The following GON4L variants were observed in gnomAD, a reference collection of about 807,000 sequenced individuals.
GON4L encodes the protein GON-4-like protein.
A neutral mutation model predicts 211.8 loss-of-function variants in GON4L; 87 were observed. The ratio of observed to expected loss-of-function variants is 0.41; its 90% CI spans 0.35 to 0.49. GON4L has a LOEUF of 0.49. Ranked by LOEUF, GON4L falls within the 20% of genes least tolerant of loss-of-function variation. The pLI is 0.15. For missense variants in GON4L, 2,155 were observed against 2,659.5 expected, an observed-to-expected ratio of 0.81 and a Z score of 4.17; for synonymous variants, 875 against 962.6, an observed-to-expected ratio of 0.91 and a Z score of 1.68.
chr1:155,783,384 C>G (rs888950197), intron 14 of GON4L, among the ~76,000 whole-genome samples: 4 of 152,192 alleles, frequency 2.6e-5, no homozygotes, highest in Non-Finnish European at 2.9e-5. Flanking sequence ...TGACATCTAG[C>G]CATCCATCTA....
At chr1:155,819,975 T>C (rs539244603) in intron 6 of GON4L, among the ~76,000 whole-genome samples, 1 of 152,234 alleles carries the variant, frequency 6.6e-6, no homozygotes, top group East Asian at 1.9e-4. Context: ...AGTGCAGTGG[T>C]GCAATCTCCA....
downstream of GON4L, chr1:155,745,787 G>A: frequency 1.4e-6 from 1 of 691,856 alleles, no homozygotes; most frequent in South Asian, 1.8e-5. Flanking sequence ...GGAGCAGCGA[G>A]CGGCGCGGCT....
intron 16 of GON4L, among the ~76,000 whole-genome samples, chr1:155,776,141 G>A (rs1170768755): frequency 6.6e-6 from 1 of 152,122 alleles, no homozygotes; most frequent in Non-Finnish European, 1.5e-5. Context: ...TGGATCTAAA[G>A]ATGAGGAGGA....
In GON4L at chr1:155,766,534, T is replaced by C; in HGVS notation, c.2939A>G (p.Lys980Arg). The C allele has an allele frequency of 1.9e-6, 3 of 1,614,062 alleles. No individual in the cohort carries two copies. The highest frequency in any genetic ancestry group is 2.5e-6 in the Non-Finnish European group (3 of 1,179,990). Residue 980 changes from lysine (K) to arginine (R), a missense_variant, in exon 21 of 32, where the codon AAA becomes AGA. Lys to Arg is a conservative substitution (Grantham distance 26). This residue lies in a region of GON4L where 615 missense variants were observed against 625.7 expected (regional missense o/e 0.98). Coordinates refer to ENST00000368331, the MANE Select transcript of GON4L (RefSeq NM_001282860.2). ...PLLLPKGVVL[K>R]LKPVATRFPR... ...GAAACGGGTGGCAACTGGCTTCAGTTTCAGGACTACACCCTTAGGCAATAG... is the reference window on the plus strand; with the variant it reads ...GAAACGGGTGGCAACTGGCTTCAGTCTCAGGACTACACCCTTAGGCAATAG...
intron 2 of GON4L, among the ~76,000 whole-genome samples, chr1:155,850,715 G>A (rs149718411): frequency 2.0e-5 from 3 of 152,074 alleles, no homozygotes; most frequent in Admixed American, 6.6e-5. Context: ...AAGAACAAGT[G>A]GACTTAAAAT....
intron 2 of GON4L, among the ~76,000 whole-genome samples, chr1:155,834,381 T>A (rs1670102265): frequency 6.6e-6 from 1 of 152,214 alleles, no homozygotes. Context: ...TTGTCTTCAA[T>A]CCACTGCTCT....
intron 2 of GON4L, among the ~76,000 whole-genome samples, chr1:155,848,229 G>A (rs1671439204): frequency 6.6e-6 from 1 of 152,130 alleles, no homozygotes; most frequent in Non-Finnish European, 1.5e-5. Flanking sequence ...ACCCCCCTGG[G>A]CTGAGCCCCA....
chr1:155,784,358 C>CTTTT lies in GON4L; in HGVS notation c.1789-273_1789-270dup, dbSNP rs869034483. 1.0e-3 allele frequency: 106 copies of CTTTT among 104,116 alleles called. 4 individuals carry two copies. The highest frequency in any genetic ancestry group is 3.4e-3 in the Admixed American group (18 of 5,244). The allele number at this position is 104,116 out of a possible 1,614,324, so 6.4% of individuals were successfully genotyped here. On this transcript the variant is annotated intron_variant, in intron 13 of 31. Coordinates refer to ENST00000368331, the MANE Select transcript of GON4L (RefSeq NM_001282860.2). ...ACTCAAAATTATCAATCTCTCTCTCCTTTTTTTTTTTTTTTTTTTTTTTTT... is the reference window on the plus strand; with the variant it reads ...ACTCAAAATTATCAATCTCTCTCTCCTTTTTTTTTTTTTTTTTTTTTTTTTTTTT...
chr1:155,782,946 A>C (rs1392429978), intron 14 of GON4L, among the ~76,000 whole-genome samples: 1 of 152,214 alleles, frequency 6.6e-6, no homozygotes, highest in African/African-American at 2.4e-5. Flanking sequence ...GGCATGAGCC[A>C]CTGCGCCCAG....
chr1:155,850,139 A>G (rs1264717293), intron 2 of GON4L, among the ~76,000 whole-genome samples: 1 of 152,138 alleles, frequency 6.6e-6, no homozygotes, highest in Admixed American at 6.6e-5. Flanking sequence ...AACTATCAAA[A>G]TAAGAATTTC....
rs1011030396 is a variant in GON4L at position 155,777,546 on chromosome 1, T to C, written c.2091+76A>G. 1.2e-5 allele frequency: 14 copies of C among 1,127,970 alleles called. No individual in the cohort carries two copies. In the East Asian group the frequency reaches 1.4e-4, roughly 11 times the overall value. The allele number at this position is 1,127,970 out of a possible 1,614,324, so 69.9% of individuals were successfully genotyped here. ...GTGAGCCGATATCGGGCCACTGCACTCCAGGCTGGGAGACAGAGCCAGACT... is the reference window on the plus strand; with the variant it reads ...GTGAGCCGATATCGGGCCACTGCACCCCAGGCTGGGAGACAGAGCCAGACT... On this transcript the variant is annotated intron_variant, in intron 15 of 31. Coordinates refer to ENST00000368331, the MANE Select transcript of GON4L (RefSeq NM_001282860.2).
At chr1:155,827,219 C>G (rs928099512) in intron 2 of GON4L, among the ~76,000 whole-genome samples, 191 bp from the exon 3 acceptor site, 1 of 152,164 alleles carries the variant, frequency 6.6e-6, no homozygotes, top group African/African-American at 2.4e-5. Context: ...GGGAGTTAAA[C>G]TAGGTAATTG....
intron 6 of GON4L, among the ~76,000 whole-genome samples, chr1:155,817,093 G>A (rs1344347692): frequency 6.6e-6 from 1 of 152,000 alleles, no homozygotes; most frequent in East Asian, 1.9e-4. Flanking sequence ...GAGCTCAAGC[G>A]ATCCTCCTGC....
Position 155,814,537 on chromosome 1 carries a change from A to G in GON4L, c.1162-88T>C, listed in dbSNP as rs934825858. 3.0e-6 allele frequency: 4 copies of G among 1,345,850 alleles called. No individual in the cohort carries two copies. In the African/African-American group the frequency reaches 5.7e-5, roughly 19 times the overall value. The allele number at this position is 1,345,850 out of a possible 1,614,324, so 83.4% of individuals were successfully genotyped here. The stretch of plus-strand genomic sequence containing the variant: ...GTATCTCAAGAGAAGGAATCATAAA[A>G]TATCAATCACTCAGCCTGGCCAACA... On this transcript the variant is annotated intron_variant, in intron 8 of 31. Coordinates refer to ENST00000368331, the MANE Select transcript of GON4L (RefSeq NM_001282860.2).
chr1:155,843,664 T>C (rs1670979925), intron 2 of GON4L, among the ~76,000 whole-genome samples: 1 of 152,016 alleles, frequency 6.6e-6, no homozygotes, highest in Admixed American at 6.6e-5. Context: ...GGGATCCCAC[T>C]GGTAAACAAG....
In GON4L at chr1:155,753,421, G is replaced by T; in HGVS notation, c.5632-7C>A. On this transcript the variant is annotated splice_region_variant and splice_polypyrimidine_tract_variant and intron_variant, in intron 28 of 31. Transcript: ENST00000368331. ...AGGATTTGCTGTCACAGACCTGCAG[G>T]GATGGTCTTCCGGGTCAAAGGTGTT... 1 of 1,608,662 alleles carries T rather than the reference G, an allele frequency of 6.2e-7. No homozygotes were observed. The highest frequency in any genetic ancestry group is 8.5e-7 in the Non-Finnish European group (1 of 1,175,952).
chr1:155,854,345 T>C (rs891928199), intron 1 of GON4L, among the ~76,000 whole-genome samples: 11 of 152,072 alleles, frequency 7.2e-5, no homozygotes, highest in African/African-American at 2.7e-4. Flanking sequence ...TTAGTAGAGA[T>C]GGGGTTTCAC....
intron 11 of GON4L, among the ~76,000 whole-genome samples, chr1:155,796,652 T>G (rs1296971188): frequency 6.6e-6 from 1 of 152,178 alleles, no homozygotes; most frequent in Non-Finnish European, 1.5e-5. Flanking sequence ...CATTAAATTA[T>G]GGAATTATTA....
intron 13 of GON4L, 176 bp downstream of exon 13, chr1:155,785,158 G>C (rs887925155): frequency 5.7e-6 from 4 of 706,716 alleles, no homozygotes; most frequent in Non-Finnish European, 1.0e-5. Context: ...ATATAATCAA[G>C]AGTCTAGTAG....
Sources: allele counts gnomAD v4.1 joint callset (sites outside exome capture counted in the v4.1 genomes callset), GRCh38; gene constraint gnomAD v4.1.1; regional missense constraint gnomAD v4.1.1; transcripts MANE v1.5; gene names NCBI Gene and HGNC (gene_info 2026-07-23, HGNC 2026-07-21).